TBPL2: variants seen among roughly 807,000 people sequenced by gnomAD.
TBPL2 encodes the protein TATA-box binding protein like 2, also known as TATA box-binding protein-like 2.
In TBPL2, 40 loss-of-function variants were observed where a neutral mutation model predicts 38.2. That is an observed-to-expected ratio of 1.05 (90% CI 0.81 to 1.36). The LOEUF (loss-of-function observed/expected upper bound fraction) is 1.36. Among genes scored for constraint, TBPL2 ranks in the 40% most tolerant of loss-of-function variants. TBPL2 has a pLI of 0.00. For synonymous variants in TBPL2, 169 were observed against 171.7 expected, an observed-to-expected ratio of 0.98 and a Z score of 0.12; for missense variants, 461 against 456.7, an observed-to-expected ratio of 1.01 and a Z score of -0.09.
chr14:55,424,020 T>C (rs1885783074), intron 6 of TBPL2, 139 bp downstream of exon 6: 1 of 604,008 alleles, frequency 1.7e-6, no homozygotes, highest in Non-Finnish European at 2.9e-6. Flanking sequence ...GTGATGTTAT[T>C]CCTTTCTTAT....
At chr14:55,426,647 G>A (rs1197849718) in intron 5 of TBPL2, among the ~76,000 whole-genome samples, 2 of 152,020 alleles carry the variant, frequency 1.3e-5, no homozygotes, top group African/African-American at 4.8e-5. Flanking sequence ...AGAGGATGAG[G>A]GGGAGGCAAG....
chr14:55,429,125 A>G, intron 4 of TBPL2, 151 bp from the exon 5 acceptor site: 3 of 919,122 alleles, frequency 3.3e-6, no homozygotes, highest in Non-Finnish European at 4.8e-6. Context: ...TACTTCCCAT[A>G]CTTTCGTCCC....
chr14:55,418,251 C>A (rs1028839779), intron 6 of TBPL2, among the ~76,000 whole-genome samples: 2 of 152,326 alleles, frequency 1.3e-5, no homozygotes, highest in African/African-American at 4.8e-5. Context: ...CCCCAGCCCC[C>A]AGCACATTAC....
chr14:55,432,446 A>AAAAAAACACAG (rs1885946449), intron 4 of TBPL2, among the ~76,000 whole-genome samples: 1 of 151,390 alleles, frequency 6.6e-6, no homozygotes. Flanking sequence ...ACAAACAACA[A>AAAAAAACACAG]AAAAAACACC....
intron 5 of TBPL2, among the ~76,000 whole-genome samples, chr14:55,425,927 T>G (rs545133650): frequency 9.8e-5 from 15 of 152,320 alleles, no homozygotes; most frequent in African/African-American, 3.6e-4. Context: ...GTCACCTAGA[T>G]CTTATTCATA....
chr14:55,419,549 T>C lies in TBPL2; in HGVS notation c.1051+4610A>G, dbSNP rs180981176. Among the ~76,000 whole-genome samples, 19 of 152,324 alleles carry C rather than the reference T, an allele frequency of 1.2e-4. 1 individual carries two copies. In the East Asian group the frequency reaches 3.7e-3, roughly 29 times the overall value. The stretch of plus-strand genomic sequence containing the variant: ...AGCACAGATCCAGAACAGTGTAAGC[T>C]GGGCCCAGGTCCTGTTGCTTTCTGC... On this transcript the variant is annotated intron_variant, in intron 6 of 6. Transcript: ENST00000247219.
chr14:55,426,969 G>T (rs544047940), intron 5 of TBPL2, among the ~76,000 whole-genome samples: 1 of 152,298 alleles, frequency 6.6e-6, no homozygotes, highest in South Asian at 2.1e-4. Flanking sequence ...AGCCCTGAAT[G>T]GCCAGAAGGG....
intron 2 of TBPL2, 40 bp downstream of exon 2, chr14:55,436,521 G>A: frequency 2.0e-6 from 3 of 1,533,802 alleles, no homozygotes; most frequent in Non-Finnish European, 2.7e-6. Flanking sequence ...TATAAAATGT[G>A]TACCCAATGT....
At chr14:55,438,823 C>T (rs1886057044) in intron 1 of TBPL2, 2 of 149,166 alleles carry the variant, frequency 1.3e-5, no homozygotes, top group Admixed American at 1.4e-4. Context: ...TGTCTGGGCT[C>T]TTCTTTGCTG....
chr14:55,414,552 A>C, intron 6 of TBPL2, 97 bp from the exon 7 acceptor site: 1 of 875,948 alleles, frequency 1.1e-6, no homozygotes, highest in Non-Finnish European at 1.7e-6. Context: ...ATTACTTTTA[A>C]TATGACATCT....
intron 6 of TBPL2, among the ~76,000 whole-genome samples, chr14:55,416,800 A>C (rs1381902006): frequency 6.6e-6 from 1 of 152,222 alleles, no homozygotes; most frequent in Non-Finnish European, 1.5e-5. Context: ...GCAAACACAC[A>C]CATGCCCCTC....
rs1412310075 is a variant in TBPL2, at chr14:55,435,833, C to A, written c.696+14G>T. ...GAGAAGCTAATTATTGGAAGGAATA[C>A]TGAGAAATGTTACCTTTGGGTTATA... On this transcript the variant is annotated intron_variant, in intron 3 of 6. Transcript: ENST00000247219. 6.6e-7 allele frequency: 1 copy of A among 1,522,880 alleles called. No homozygotes were observed. The highest frequency in any genetic ancestry group is 1.4e-5 in the African/African-American group (1 of 69,834). The allele number at this position is 1,522,880 out of a possible 1,614,324, so 94.3% of individuals were successfully genotyped here.
chr14:55,428,052 A>G (rs1885856939), intron 5 of TBPL2, among the ~76,000 whole-genome samples: 1 of 136,564 alleles, frequency 7.3e-6, no homozygotes, highest in Non-Finnish European at 1.5e-5. Context: ...TCTTCTCCCC[A>G]ATCCATTCTC....
chr14:55,437,260 G>T (rs1308310651), intron 1 of TBPL2, among the ~76,000 whole-genome samples: 1 of 152,246 alleles, frequency 6.6e-6, no homozygotes, highest in East Asian at 1.9e-4. Context: ...GCGGATGGCT[G>T]GAGGCTAGGA....
chr14:55,417,453 TAAAAA>T (rs539769285), intron 6 of TBPL2, among the ~76,000 whole-genome samples: 4,127 of 91,332 alleles, frequency 0.045, 264 homozygotes, highest in African/African-American at 0.17. Flanking sequence ...ACCCTTGCCT[TAAAAA>T]AAAAAAAAAA....
chr14:55,438,954 T>C (rs1378684715), intron 1 of TBPL2: 4 of 109,708 alleles, frequency 3.6e-5, no homozygotes, highest in Admixed American at 1.9e-4. Context: ...TTTTTTTTTT[T>C]TGAGACGGAG....
At chr14:55,438,216 C>T (rs1223613443) in intron 1 of TBPL2, among the ~76,000 whole-genome samples, 1 of 152,116 alleles carries the variant, frequency 6.6e-6, no homozygotes, top group Admixed American at 6.5e-5. Context: ...ACAATGCTAC[C>T]TCCGCTAATG....
chr14:55,428,014 T>C (rs1345319410), intron 5 of TBPL2, among the ~76,000 whole-genome samples: 2 of 136,930 alleles, frequency 1.5e-5, no homozygotes, highest in East Asian at 2.1e-4. Context: ...ATTGCTTTCA[T>C]AGAACGTGCT....
At chr14:55,428,537 C>G (rs1482757488) in intron 5 of TBPL2, among the ~76,000 whole-genome samples, 1 of 152,132 alleles carries the variant, frequency 6.6e-6, no homozygotes, top group Non-Finnish European at 1.5e-5. Context: ...CTAGCAAAAT[C>G]TCTGGTGAAG....
Sources: gnomAD v4.1 joint callset for allele counts (sites outside exome capture counted in the v4.1 genomes callset) on GRCh38, gnomAD v4.1.1 for gene constraint, MANE v1.5 for transcripts, NCBI Gene and HGNC (gene_info 2026-07-23, HGNC 2026-07-21) for gene names.